Variants in CNKSR3 observed in about 807,000 individuals in gnomAD.
CNKSR3 encodes CNKSR family member 3.
CNKSR3 carries 36 observed loss-of-function variants against 67.7 expected under a neutral mutation model. That is an observed-to-expected ratio of 0.53 (90% confidence interval 0.41 to 0.70). CNKSR3 has a LOEUF of 0.70. Ranked by LOEUF, CNKSR3 falls within the 30% of genes least tolerant of loss-of-function variation. The pLI is 0.00. For synonymous variants in CNKSR3, 281 were observed against 271.4 expected, an observed-to-expected ratio of 1.04 and a Z score of -0.35; for missense variants, 630 against 695.2, an observed-to-expected ratio of 0.91 and a Z score of 1.05.
rs74896351 is a variant in CNKSR3 at position 154,491,278 on chromosome 6, A to G, written c.52+18785T>C. Among the ~76,000 whole-genome samples the G allele has an allele frequency of 5.4e-3, 825 of 152,240 alleles. 7 individuals are homozygous for G. Among genetic ancestry groups the G allele is most frequent in the African/African-American group, 0.019 (786 of 41,536 alleles). ...TCTAAATGCCTGTTGATTTGTCTGT[A>G]TTCCACTTAACTGAAGTCACCAAAC... On this transcript the variant is annotated intron_variant, in intron 1 of 12. Coordinates refer to ENST00000607772, the MANE Select transcript of CNKSR3 (RefSeq NM_173515.4).
chr6:154,478,478 G>C (rs978034783), intron 1 of CNKSR3: 1 of 152,402 alleles, frequency 6.6e-6, no homozygotes, highest in Non-Finnish European at 1.5e-5. Flanking sequence ...GGACTGCACC[G>C]TGTTTATTCA....
At chr6:154,428,283 C>A in intron 6 of CNKSR3, 96 bp from the exon 7 acceptor site, 1 of 780,928 alleles carries the variant, frequency 1.3e-6, no homozygotes, top group South Asian at 1.5e-5. Context: ...ACAACAGTCC[C>A]TTCAGAACAA....
rs1201396003 is a variant in CNKSR3 at position 154,402,697 on chromosome 6, C to T, written c.*3657G>A. On this transcript the variant is annotated 3_prime_UTR_variant, in exon 13 of 13. Transcript: ENST00000607772. ...ACTATATGAGTGAAGCCATTACAGA[C>T]TAGGTATGCCTAGAACTTTATCTAA... The T allele has an allele frequency of 2.0e-5, 3 of 152,198 alleles. No individual in the cohort carries two copies. The highest frequency in any genetic ancestry group is 4.4e-5 in the Non-Finnish European group (3 of 68,042). 9.4% of individuals were successfully genotyped at this position (152,198 alleles called of 1,614,324 possible).
At chr6:154,457,061 C>G (rs1785975375) in intron 1 of CNKSR3, among the ~76,000 whole-genome samples, 2 of 152,134 alleles carry the variant, frequency 1.3e-5, no homozygotes, top group Non-Finnish European at 2.9e-5. Context: ...AGCTCCTTAG[C>G]CTTCCCGACT....
In CNKSR3 at chr6:154,420,835, C is replaced by T. The variant is rs574509326; in HGVS notation, c.945+1671G>A. Among the ~76,000 whole-genome samples the T allele has an allele frequency of 3.8e-4, 58 of 152,132 alleles. 2 individuals are homozygous for T. In the South Asian group the frequency reaches 0.012, roughly 30 times the overall value. On this transcript the variant is annotated intron_variant, in intron 9 of 12. Transcript: ENST00000607772. ...AAACGTATTAATGAGCTTGATTTAG[C>T]CATTCCAAAATGTAAACACATTTCA... is the stretch of plus-strand genomic sequence containing the variant.
intron 1 of CNKSR3, among the ~76,000 whole-genome samples, chr6:154,465,639 CTT>C (rs1786182285): frequency 6.6e-6 from 1 of 152,172 alleles, no homozygotes. Context: ...ACAGATGTCT[CTT>C]TAGCTGATCT....
intron 9 of CNKSR3, among the ~76,000 whole-genome samples, chr6:154,419,061 G>A (rs1785082177): frequency 7.4e-6 from 1 of 136,050 alleles, no homozygotes; most frequent in African/African-American, 2.8e-5. Context: ...TTTTTTTGGA[G>A]ACAAGGTCTC....
intron 1 of CNKSR3, among the ~76,000 whole-genome samples, chr6:154,491,722 G>C (rs903794060): frequency 6.6e-6 from 1 of 152,044 alleles, no homozygotes; most frequent in African/African-American, 2.4e-5. Flanking sequence ...ACTCTTCTCT[G>C]TAGAAGCCAC....
intron 1 of CNKSR3, among the ~76,000 whole-genome samples, chr6:154,460,286 C>T (rs1441253578): frequency 6.6e-6 from 1 of 152,210 alleles, no homozygotes; most frequent in Non-Finnish European, 1.5e-5. Context: ...TTGAGTCCTC[C>T]TTCTTTGCTC....
chr6:154,486,129 C>A (rs1786660418), intron 1 of CNKSR3, among the ~76,000 whole-genome samples: 1 of 152,122 alleles, frequency 6.6e-6, no homozygotes, highest in African/African-American at 2.4e-5. Context: ...GGATGCTTCC[C>A]CTCGGCCGTG....
intron 1 of CNKSR3, among the ~76,000 whole-genome samples, chr6:154,457,445 T>C (rs1032282049): frequency 3.9e-5 from 6 of 152,168 alleles, no homozygotes; most frequent in Middle Eastern, 3.2e-3. Context: ...GTGGGCCAGA[T>C]GCAGGGGCTC....
chr6:154,497,383 C>T (rs1308089904), intron 1 of CNKSR3, among the ~76,000 whole-genome samples: 1 of 151,768 alleles, frequency 6.6e-6, no homozygotes, highest in Non-Finnish European at 1.5e-5. Flanking sequence ...AGAGGAAGAC[C>T]CTGTCTCAAA....
rs183536068 is a variant in CNKSR3, at chr6:154,399,444, T to A, written c.*6910A>T. On this transcript the variant is annotated 3_prime_UTR_variant, in exon 13 of 13. Transcript: ENST00000607772. ...TAAGCCTTCGAAGTAGATGCTAGTA[T>A]TATCCCCATTTCATAGATAACTGAG... 3 of 152,266 alleles carry A rather than the reference T, an allele frequency of 2.0e-5. No individual in the cohort carries two copies. Among genetic ancestry groups the A allele is most frequent in the Non-Finnish European group, 2.9e-5 (2 of 68,036 alleles). 9.4% of individuals were successfully genotyped at this position (152,266 alleles called of 1,614,324 possible).
At chr6:154,474,539 C>A (rs552029588) in intron 1 of CNKSR3, among the ~76,000 whole-genome samples, 2 of 152,076 alleles carry the variant, frequency 1.3e-5, no homozygotes, top group Non-Finnish European at 2.9e-5. Flanking sequence ...AAGATATGGC[C>A]AAAGTAAAGG....
chr6:154,481,125 T>G (rs1424643103), intron 1 of CNKSR3, among the ~76,000 whole-genome samples: 1 of 152,172 alleles, frequency 6.6e-6, no homozygotes, highest in Non-Finnish European at 1.5e-5. Context: ...TGCTTATTTA[T>G]TTGTGCTTGT....
At chr6:154,413,175 C>A (rs184593736) in intron 10 of CNKSR3, among the ~76,000 whole-genome samples, 200 of 149,738 alleles carry the variant, frequency 1.3e-3, no homozygotes, top group African/African-American at 4.4e-3. Context: ...CACACACACA[C>A]AAATATGAAA....
intron 1 of CNKSR3, among the ~76,000 whole-genome samples, chr6:154,462,280 T>C (rs1216551774): frequency 7.5e-6 from 1 of 132,576 alleles, no homozygotes; most frequent in African/African-American, 2.8e-5. Flanking sequence ...CCCCCCACCC[T>C]GTCAGTATTC....
At chr6:154,493,951 C>T (rs1030688201) in intron 1 of CNKSR3, among the ~76,000 whole-genome samples, 1 of 152,096 alleles carries the variant, frequency 6.6e-6, no homozygotes, top group Non-Finnish European at 1.5e-5. Context: ...CAAACCACAT[C>T]ACACCCCCTA....
intron 1 of CNKSR3, among the ~76,000 whole-genome samples, chr6:154,476,793 T>C (rs186245234): frequency 4.6e-5 from 7 of 152,350 alleles, no homozygotes; most frequent in Admixed American, 4.6e-4. Context: ...ATGTACTCTG[T>C]AAGCCCAAAA....
Sources: allele counts gnomAD v4.1 joint callset (sites outside exome capture counted in the v4.1 genomes callset), GRCh38; gene constraint gnomAD v4.1.1; transcripts MANE v1.5; gene names NCBI Gene and HGNC (gene_info 2026-07-23, HGNC 2026-07-21).